ERMP1: variants seen among roughly 807,000 people sequenced by gnomAD.
ERMP1 encodes Felix-ina.
In ERMP1, 86 loss-of-function variants were observed where a neutral mutation model predicts 92.0. The observed-to-expected ratio is 0.93, with a 90% CI of 0.79 to 1.12. The LOEUF (loss-of-function observed/expected upper bound fraction) is 1.12, where lower values mean the gene tolerates loss of function less well. Among genes scored for constraint, ERMP1 ranks in the 50% most tolerant of loss-of-function variants. The probability of loss-of-function intolerance (pLI) is 0.00; values close to 1 mark genes in which losing one functional copy is unlikely to be tolerated. For synonymous variants in ERMP1, 530 were observed against 412.8 expected (o/e 1.28, Z -3.44); for missense variants, 1,342 against 1,116.3 (o/e 1.20, Z -2.88).
At chr9:5,843,469 T>C (rs1050360022) in intron 6 of ERMP1, among the ~76,000 whole-genome samples, 14 of 152,192 alleles carry the variant, frequency 9.2e-5, no homozygotes, top group African/African-American at 3.1e-4. Context: ...AAGGACATAC[T>C]TGATTAAAGA....
intron 8 of ERMP1, among the ~76,000 whole-genome samples, 186 bp downstream of exon 8, chr9:5,809,825 A>G (rs1296218370): frequency 6.6e-6 from 1 of 152,214 alleles, no homozygotes; most frequent in Non-Finnish European, 1.5e-5. Context: ...CCTCATTTGA[A>G]TTTTGTGACA....
Position 5,799,045 on chromosome 9 carries a change from T to C in ERMP1, c.2068-37A>G, listed in dbSNP as rs752538958. 3.4e-6 allele frequency: 5 copies of C among 1,484,420 alleles called. No individual in the cohort carries two copies. In the Admixed American group the frequency reaches 6.7e-5, roughly 20 times the overall value. 92.0% of individuals were successfully genotyped at this position (1,484,420 alleles called of 1,614,324 possible). ...AGACTAGTGAAAAAACTGTTTCAAC[T>C]AGTACACCCACATTCCCACCCCAGA... On this transcript the variant is annotated intron_variant, in intron 11 of 14. Transcript: ENST00000339450.
intron 11 of ERMP1, among the ~76,000 whole-genome samples, chr9:5,800,442 G>C (rs191948116): frequency 6.7e-4 from 102 of 152,218 alleles, no homozygotes; most frequent in African/African-American, 2.3e-3. Context: ...TTGGGAGGCC[G>C]AGGTGGGTGG....
At chr9:5,827,144 T>G (rs1322720806) in intron 2 of ERMP1, among the ~76,000 whole-genome samples, 5 of 152,182 alleles carry the variant, frequency 3.3e-5, no homozygotes, top group Non-Finnish European at 7.4e-5. Flanking sequence ...TACTCCTAAT[T>G]GGTATCAATT....
At chr9:5,834,682 CATAACT>C (rs1830061271), upstream of ERMP1, among the ~76,000 whole-genome samples, 1 of 138,966 alleles carries the variant, frequency 7.2e-6, no homozygotes, top group Non-Finnish European at 1.6e-5. Context: ...AGCCCATGGT[CATAACT>C]ATATGTATGT....
At chr9:5,858,018 T>A (rs908026403) in intron 6 of ERMP1, among the ~76,000 whole-genome samples, 29 of 152,150 alleles carry the variant, frequency 1.9e-4, no homozygotes, top group Admixed American at 1.9e-3. Context: ...CCAAGACAAA[T>A]CTTTGTCCTG....
chr9:5,805,511 T>C lies in ERMP1; in HGVS notation c.1723+100A>G, dbSNP rs58484867. The C allele has an allele frequency of 6.8e-4, 717 of 1,051,240 alleles. 5 individuals carry two copies. In the African/African-American group the frequency reaches 0.011, roughly 16 times the overall value. 65.1% of individuals were successfully genotyped at this position (1,051,240 alleles called of 1,614,324 possible). Reference sequence around the variant, plus strand: ...TGAAAACTTTTAAAAACTAACAATTTAGAAAGCCTACCCAATAAAACCAAA... The same window carrying C: ...TGAAAACTTTTAAAAACTAACAATTCAGAAAGCCTACCCAATAAAACCAAA... On this transcript the variant is annotated intron_variant, in intron 9 of 14. Transcript: ENST00000339450.
intron 6 of ERMP1, among the ~76,000 whole-genome samples, chr9:5,849,814 G>C (rs1313909364): frequency 6.6e-6 from 1 of 152,206 alleles, no homozygotes. Flanking sequence ...CTACCTACCA[G>C]TTGGATCACA....
chr9:5,851,856 T>A (rs1425001835), intron 6 of ERMP1, among the ~76,000 whole-genome samples: 32 of 152,230 alleles, frequency 2.1e-4, no homozygotes, highest in Non-Finnish European at 1.5e-5. Flanking sequence ...GGAATATTAC[T>A]TAACGAATGG....
intron 6 of ERMP1, among the ~76,000 whole-genome samples, chr9:5,848,645 G>A (rs897081133): frequency 1.3e-5 from 2 of 152,160 alleles, no homozygotes; most frequent in African/African-American, 2.4e-5. Context: ...ATTTTTTAAT[G>A]TTCAGAGCTT....
intron 5 of ERMP1, among the ~76,000 whole-genome samples, chr9:5,859,802 C>G (rs563758143): frequency 7.1e-4 from 108 of 152,338 alleles, no homozygotes; most frequent in African/African-American, 2.5e-3. Flanking sequence ...TACTGAGTGA[C>G]TGCTATTCCT....
At chr9:5,853,511 C>A (rs1229155132) in intron 6 of ERMP1, among the ~76,000 whole-genome samples, 1 of 152,008 alleles carries the variant, frequency 6.6e-6, no homozygotes, top group Non-Finnish European at 1.5e-5. Flanking sequence ...TAAGAAACAG[C>A]CACCTAGATA....
At position 5,797,935 on chromosome 9, in the gene ERMP1, A is replaced by G; in HGVS notation, c.2271-3T>C. On this transcript the variant is annotated splice_polypyrimidine_tract_variant and splice_region_variant and intron_variant, in intron 12 of 14. Transcript: ENST00000339450. ...GGGCAGGAAGATACCAGTTTTTCCT[A>G]TTTAGAAAGGAAGCTTCAGTTTTAG... 1.9e-6 allele frequency: 3 copies of G among 1,586,920 alleles called. No homozygotes were observed. The highest frequency in any genetic ancestry group is 2.6e-6 in the Non-Finnish European group (3 of 1,156,194).
upstream of ERMP1, among the ~76,000 whole-genome samples, chr9:5,834,364 A>C (rs1830055918): frequency 1.3e-5 from 2 of 152,200 alleles, no homozygotes; most frequent in South Asian, 4.1e-4. Context: ...ATCTCACAGC[A>C]CCATGTTTGC....
chr9:5,802,738 T>C (rs765897597), intron 10 of ERMP1, among the ~76,000 whole-genome samples: 2 of 152,174 alleles, frequency 1.3e-5, no homozygotes, highest in African/African-American at 2.4e-5. Context: ...CCTTCATGGT[T>C]ATACGTATAC....
chr9:5,791,315 G>A (rs1485586066), intron 13 of ERMP1: 1 of 456,110 alleles, frequency 2.2e-6, no homozygotes, highest in East Asian at 6.9e-5. Flanking sequence ...GAGACTGAAG[G>A]CAGTCTGCTA....
rs1329328555 is a variant in ERMP1 at position 5,786,904 on chromosome 9, T to C, written c.*240A>G. 1.4e-5 allele frequency: 5 copies of C among 367,388 alleles called. No individual in the cohort carries two copies. The highest frequency in any genetic ancestry group is 1.0e-4 in the African/African-American group (5 of 48,574). The allele number at this position is 367,388 out of a possible 1,614,324, so 22.8% of individuals were successfully genotyped here. The stretch of plus-strand genomic sequence containing the variant: ...TAAAATGACGTGTGTGTAGTGGCAG[T>C]ACCCACATGTGCTGAAGTGCCAAAA... On this transcript the variant is annotated 3_prime_UTR_variant, in exon 15 of 15. Transcript: ENST00000339450.
rs775630065 is a variant in ERMP1 at position 5,787,441 on chromosome 9, T to A, written c.2539A>T (p.Ile847Leu). The change falls in exon 14 of 15, where the codon ATA (isoleucine) becomes TTA (leucine). Residue 847 changes from isoleucine to leucine, a missense_variant. Ile to Leu is a conservative substitution (Grantham distance 5). Coordinates refer to ENST00000339450, the MANE Select transcript of ERMP1 (RefSeq NM_024896.3). ...GLQASAWQFW[I>L]EVQVSEEHPE... ...TGGGAAATTGGCACCTGCACTTCTA[T>A]CCAGAACTGCCATGCAGAGGCCTGG... 1 of 1,613,158 alleles carries A rather than the reference T, an allele frequency of 6.2e-7. No individual in the cohort carries two copies. The highest frequency in any genetic ancestry group is 1.1e-5 in the South Asian group (1 of 90,928).
At chr9:5,856,493 T>C (rs1050408253) in intron 6 of ERMP1, 1 of 168,814 alleles carries the variant, frequency 5.9e-6, no homozygotes, top group African/African-American at 2.4e-5. Context: ...CCAAGAACTT[T>C]GTTTCTTGGC....
Sources: allele counts gnomAD v4.1 joint callset (sites outside exome capture counted in the v4.1 genomes callset), GRCh38; gene constraint gnomAD v4.1.1; transcripts MANE v1.5; gene names NCBI Gene and HGNC (gene_info 2026-07-23, HGNC 2026-07-21).